The following FBH1 variants were observed in gnomAD, a reference collection of about 807,000 sequenced individuals.
FBH1 encodes F-box DNA helicase 1, also known as DNA 3'-5' helicase 1.
FBH1 carries 43 observed loss-of-function variants against 115.5 expected under a neutral mutation model. The observed-to-expected ratio is 0.37, with a 90% CI of 0.29 to 0.48. FBH1 has a LOEUF of 0.48. Ranked by LOEUF, FBH1 falls within the 20% of genes least tolerant of loss-of-function variation. The pLI, the probability that FBH1 is intolerant of heterozygous loss-of-function variation, is 0.99. For synonymous variants in FBH1, 524 were observed against 507.8 expected (o/e 1.03, Z -0.43); for missense variants, 1,001 against 1,337.3 (o/e 0.75, Z 3.92).
At chr10:5,898,928 A>C (rs1361503829) in intron 1 of FBH1, among the ~76,000 whole-genome samples, 1 of 152,232 alleles carries the variant, frequency 6.6e-6, no homozygotes, top group Non-Finnish European at 1.5e-5. Flanking sequence ...TCTCCATCTC[A>C]TTGATGGTCA....
intron 1 of FBH1, chr10:5,894,474 G>A (rs1408907604): frequency 3.9e-6 from 5 of 1,298,074 alleles, no homozygotes; most frequent in South Asian, 1.2e-5. Flanking sequence ...GGGTTCTTGT[G>A]TTGGCACCAT....
At chr10:5,937,074 G>A in intron 20 of FBH1, 36 bp from the exon 21 acceptor site, 1 of 1,539,980 alleles carries the variant, frequency 6.5e-7, no homozygotes, top group South Asian at 1.3e-5. Context: ...TTCTTTGGTT[G>A]TTCCCCTTAG....
Position 5,921,480 on chromosome 10 carries a change from G to C in FBH1, c.2233G>C (p.Ala745Pro). The C allele has an allele frequency of 6.2e-7, 1 of 1,602,884 alleles. No individual in the cohort carries two copies. Among genetic ancestry groups the C allele is most frequent in the Non-Finnish European group, 8.5e-7 (1 of 1,177,114 alleles). The change falls in exon 15 of 21, where the codon GCC becomes CCC. Residue 745 changes from alanine to proline, a missense_variant. Ala to Pro is a conservative substitution (Grantham distance 27). This residue lies in a region of FBH1 where 521 missense variants were observed against 811.0 expected (regional missense o/e 0.64). Transcript: ENST00000362091. The surrounding 1 kb of genome is among the most constrained non-coding windows in gnomAD (Gnocchi z 6.4). ...TAGAGGTGACGCAAAGGGGCAAGTG[G>C]CCTTGTTGTCCCGGACCAACGCCAA... ...GIRGDAKGQV[A>P]LLSRTNANVF...
At position 5,909,083 on chromosome 10, in the gene FBH1, G is replaced by A. The variant is rs371573171; in HGVS notation, c.884+28G>A. Reference sequence around the variant, plus strand: ...GAGCTTTGCCTGTGCTGTAAAGAAGGCGTCTTTGAAGTCTTCCTTGTACAT... The same window carrying A: ...GAGCTTTGCCTGTGCTGTAAAGAAGACGTCTTTGAAGTCTTCCTTGTACAT... On this transcript the variant is annotated intron_variant, in intron 4 of 20. Coordinates refer to ENST00000362091, the MANE Select transcript of FBH1 (RefSeq NM_178150.3). This position sits in a 1 kb window ranked among gnomAD's most constrained non-coding sequence, Gnocchi z 4.4. 6.2e-7 allele frequency: 1 copy of A among 1,613,948 alleles called. No homozygotes were observed. The highest frequency in any genetic ancestry group is 8.5e-7 in the Non-Finnish European group (1 of 1,180,016).
At chr10:5,929,489 G>A (rs12774886) in intron 19 of FBH1, 43,680 of 152,116 alleles carry the variant, frequency 0.29, 6,851 homozygotes, top group Middle Eastern at 0.35. Flanking sequence ...CAGCTTAAGC[G>A]TCAGAGCTTA....
chr10:5,898,850 A>G (rs1314371512), intron 1 of FBH1, among the ~76,000 whole-genome samples: 1 of 152,218 alleles, frequency 6.6e-6, no homozygotes, highest in East Asian at 1.9e-4. Flanking sequence ...GCAGTGAACC[A>G]GGTGGGCTAG....
intron 2 of FBH1, among the ~76,000 whole-genome samples, chr10:5,903,653 T>C (rs1249290163): frequency 6.6e-6 from 1 of 152,122 alleles, no homozygotes; most frequent in African/African-American, 2.4e-5. Flanking sequence ...AATTCTATCC[T>C]ATTATCATAG....
rs773620281 is a variant in FBH1, at chr10:5,936,442, T to C, written c.2830-14T>C. 3 of 1,612,698 alleles carry C rather than the reference T, an allele frequency of 1.9e-6. No individual in the cohort carries two copies. Among genetic ancestry groups the C allele is most frequent in the East Asian group, 2.2e-5 (1 of 44,838 alleles). On this transcript the variant is annotated splice_polypyrimidine_tract_variant and intron_variant, in intron 19 of 20. Transcript: ENST00000362091. The surrounding 1 kb of genome is among the most constrained non-coding windows in gnomAD (Gnocchi z 5.6). ...GTGTCGCCATGACTCTCTTTCTCGC[T>C]CTTTCTTTCTCAGGAGTACTTCTTG...
At chr10:5,934,746 C>G (rs891837980) in intron 19 of FBH1, 11 of 152,328 alleles carry the variant, frequency 7.2e-5, no homozygotes, top group Non-Finnish European at 1.5e-4. Context: ...CAGGGTCTTG[C>G]TTTGTTGCCC....
At position 5,905,930 on chromosome 10, in the gene FBH1, C is replaced by T. The variant is rs1394059122; in HGVS notation, c.158-107C>T. On this transcript the variant is annotated intron_variant, in intron 2 of 20. Coordinates refer to ENST00000362091, the MANE Select transcript of FBH1 (RefSeq NM_178150.3). ...CCCATAAATGTGTTTTTATCTCTTT[C>T]CACTATTAACATAGATAATTGAAAA... is the stretch of plus-strand genomic sequence containing the variant. 6.7e-6 allele frequency: 5 copies of T among 748,682 alleles called. No individual in the cohort carries two copies. In the Admixed American group the frequency reaches 8.0e-5, roughly 12 times the overall value. The allele number at this position is 748,682 out of a possible 1,614,324, so 46.4% of individuals were successfully genotyped here. A position where few individuals can be genotyped will look rare whatever the true frequency, so the allele number is the denominator to read the frequency against.
In FBH1 at chr10:5,937,410, C is replaced by T. The variant is rs1833434316; in HGVS notation, c.*130C>T. ...ACAGCACTTTCTGAGGAAGAGGACA[C>T]CAGCCCAAGCTGGACCTGCCATTTC... On this transcript the variant is annotated 3_prime_UTR_variant, in exon 21 of 21. Coordinates refer to ENST00000362091, the MANE Select transcript of FBH1 (RefSeq NM_178150.3). 7 of 1,035,920 alleles carry T rather than the reference C, an allele frequency of 6.8e-6. No homozygotes were observed. The Admixed American group carries it at 1.1e-4, about 17-fold the overall frequency. The allele number at this position is 1,035,920 out of a possible 1,614,324, so 64.2% of individuals were successfully genotyped here. A position where few individuals can be genotyped will look rare whatever the true frequency, so the allele number is the denominator to read the frequency against.
rs1440492811 is a variant in FBH1, at chr10:5,915,643, C to T, written c.1565+72C>T. ...CGTCTTACTGTTTTCCCGTGACGAT[C>T]ACATGTGAGCTTACACCACAGTGAC... On this transcript the variant is annotated intron_variant, in intron 9 of 20. Transcript: ENST00000362091. The surrounding 1 kb of genome is among the most constrained non-coding windows in gnomAD (Gnocchi z 5.2). 9 of 1,425,348 alleles carry T rather than the reference C, an allele frequency of 6.3e-6. No individual in the cohort carries two copies. The highest frequency in any genetic ancestry group is 8.7e-6 in the Non-Finnish European group (9 of 1,029,486). 88.3% of individuals were successfully genotyped at this position (1,425,348 alleles called of 1,614,324 possible). A position where few individuals can be genotyped will look rare whatever the true frequency, so the allele number is the denominator to read the frequency against.
chr10:5,927,198 C>T (rs1832707090), intron 18 of FBH1, among the ~76,000 whole-genome samples: 1 of 152,160 alleles, frequency 6.6e-6, no homozygotes, highest in Non-Finnish European at 1.5e-5. Flanking sequence ...AACACATTCC[C>T]AGGATTTACG....
At position 5,906,206 on chromosome 10, in the gene FBH1, A is replaced by G. The variant is rs1843681268; in HGVS notation, c.327A>G (p.Ala109=). Residue 109 remains alanine (A), a synonymous_variant, in exon 3 of 21, where the codon GCA becomes GCG. Coordinates refer to ENST00000362091, the MANE Select transcript of FBH1 (RefSeq NM_178150.3). This position sits in a 1 kb window ranked among gnomAD's most constrained non-coding sequence, Gnocchi z 7.3. ...SSCALPQEGS[A]GPGSPGSAPP... ...GTGCACTGCCTCAGGAAGGCAGTGC[A>G]GGGCCGGGCTCACCAGGGTCTGCCC... 4 of 1,614,090 alleles carry G rather than the reference A, an allele frequency of 2.5e-6. 1 individual carries two copies. Among genetic ancestry groups the G allele is most frequent in the Non-Finnish European group, 3.4e-6 (4 of 1,180,030 alleles).
intron 1 of FBH1, chr10:5,894,083 A>G: frequency 4.1e-6 from 4 of 985,324 alleles, no homozygotes; most frequent in Non-Finnish European, 4.8e-6. Context: ...TCCCGGGGAG[A>G]TTGAGCTTAC....
At chr10:5,894,962 G>C in intron 1 of FBH1, 1 of 1,490,000 alleles carries the variant, frequency 6.7e-7, no homozygotes, top group Admixed American at 2.1e-5. Context: ...TTATTCCTGC[G>C]AAGTGCTTCC....
In FBH1 at chr10:5,914,977, G is replaced by C. The variant is rs372548994; in HGVS notation, c.1397-426G>C. On this transcript the variant is annotated intron_variant, in intron 8 of 20. Coordinates refer to ENST00000362091, the MANE Select transcript of FBH1 (RefSeq NM_178150.3). The surrounding 1 kb of genome is among the most constrained non-coding windows in gnomAD (Gnocchi z 5.2). Reference sequence around the variant, plus strand: ...CTGAAGCACAGAGAGCCTTGCCCGGGGTTGAATAAGTGGATAGGTGGTGGA... The same window carrying C: ...CTGAAGCACAGAGAGCCTTGCCCGGCGTTGAATAAGTGGATAGGTGGTGGA... Among the ~76,000 whole-genome samples the C allele has an allele frequency of 6.6e-6, 1 of 152,222 alleles. No homozygotes were observed. The highest frequency in any genetic ancestry group is 1.9e-4 in the East Asian group (1 of 5,170).
chr10:5,930,481 C>T (rs1287322183), intron 19 of FBH1, among the ~76,000 whole-genome samples: 1 of 152,234 alleles, frequency 6.6e-6, no homozygotes, highest in African/African-American at 2.4e-5. Flanking sequence ...CCTGTCCTGG[C>T]TTTCCAGTAA....
Position 5,890,275 on chromosome 10 carries a change from G to T in FBH1, c.-71G>T, listed in dbSNP as rs934193389. On this transcript the variant is annotated 5_prime_UTR_variant, in exon 1 of 21. Transcript: ENST00000362091. Reference sequence around the variant, plus strand: ...CCAGAGGAGGAGCTCGCTGCCGGGGGACGCTGGGCTGAGCGGCCGGCGGCG... The same window carrying T: ...CCAGAGGAGGAGCTCGCTGCCGGGGTACGCTGGGCTGAGCGGCCGGCGGCG... The T allele has an allele frequency of 5.4e-6, 2 of 370,696 alleles. No individual in the cohort carries two copies. The highest frequency in any genetic ancestry group is 2.1e-5 in the African/African-American group (1 of 46,714). The allele number at this position is 370,696 out of a possible 1,614,324, so 23.0% of individuals were successfully genotyped here.
Sources: gnomAD v4.1 joint callset for allele counts (sites outside exome capture counted in the v4.1 genomes callset) on GRCh38, gnomAD v4.1.1 for gene constraint, gnomAD v4.1.1 regional missense constraint, Gnocchi (gnomAD v3.1) non-coding constraint, MANE v1.5 for transcripts, NCBI Gene and HGNC (gene_info 2026-07-23, HGNC 2026-07-21) for gene names.